IGF2R: variants seen among roughly 807,000 people sequenced by gnomAD.
IGF2R encodes insulin like growth factor 2 receptor.
A neutral mutation model predicts 270.6 loss-of-function variants in IGF2R; 91 were observed. That is an observed-to-expected ratio of 0.34 (90% CI 0.28 to 0.40). IGF2R has a LOEUF of 0.40. Ranked by LOEUF, IGF2R falls within the 10% of genes least tolerant of loss-of-function variation. IGF2R has a pLI of 1.00. For missense variants in IGF2R, 2,805 were observed against 3,188.3 expected (o/e 0.88, Z 2.90); for synonymous variants, 1,316 against 1,258.9 (o/e 1.05, Z -0.96).
intron 10 of IGF2R, among the ~76,000 whole-genome samples, chr6:160,038,475 G>T (rs1164209947): frequency 6.6e-6 from 1 of 152,184 alleles, no homozygotes; most frequent in Non-Finnish European, 1.5e-5. Context: ...GTATGTCTCA[G>T]ATGTAAAACC....
At chr6:160,022,230 C>A (rs1777454548) in intron 4 of IGF2R, among the ~76,000 whole-genome samples, 1 of 152,004 alleles carries the variant, frequency 6.6e-6, no homozygotes, top group Non-Finnish European at 1.5e-5. Context: ...AATATTGGAG[C>A]TTCAGAAAGG....
chr6:160,023,052 G>C (rs1439722561), intron 4 of IGF2R, among the ~76,000 whole-genome samples: 1 of 152,092 alleles, frequency 6.6e-6, no homozygotes, highest in Non-Finnish European at 1.5e-5. Flanking sequence ...AACAGGGAGA[G>C]GTGTGGCCTG....
intron 2 of IGF2R, among the ~76,000 whole-genome samples, chr6:159,992,267 G>GT (rs1783989984): frequency 6.6e-6 from 1 of 152,168 alleles, no homozygotes. Flanking sequence ...TTCAAGTGCA[G>GT]TTTGTTACAT....
At chr6:160,012,767 T>TA (rs1291934054) in intron 4 of IGF2R, among the ~76,000 whole-genome samples, 1 of 66,710 alleles carries the variant, frequency 1.5e-5, no homozygotes, top group Non-Finnish European at 3.6e-5. Context: ...ATATATATTT[T>TA]TTTTTTTTTT....
intron 1 of IGF2R, among the ~76,000 whole-genome samples, chr6:159,980,082 G>C (rs1783757045): frequency 6.6e-6 from 1 of 152,058 alleles, no homozygotes; most frequent in Admixed American, 6.6e-5. Flanking sequence ...TCGGGAGGCT[G>C]TGGCAGGAGA....
rs1476003235 is a variant in IGF2R, at chr6:160,027,280, C to T, written c.742C>T (p.Pro248Ser). ...RGHQAFDVGQ[P>S]RDGLKLVRKD... is the part of the protein sequence containing the mutation. Reference sequence around the variant, plus strand: ...ACACCAGGCGTTTGATGTTGGCCAGCCCCGGGACGGACTGAAGCTGGTGCG... The same window carrying T: ...ACACCAGGCGTTTGATGTTGGCCAGTCCCGGGACGGACTGAAGCTGGTGCG... Residue 248 changes from proline (P) to serine (S), a missense_variant, in exon 6 of 48, where the codon CCC (proline) becomes TCC (serine). By Grantham distance (74) the Pro-to-Ser change is moderately conservative. This residue lies in a region of IGF2R where 954 missense variants were observed against 981.1 expected (regional missense o/e 0.97). Coordinates refer to ENST00000356956, the MANE Select transcript of IGF2R (RefSeq NM_000876.4). 3.1e-6 allele frequency: 5 copies of T among 1,613,982 alleles called. No homozygotes were observed. The highest frequency in any genetic ancestry group is 4.5e-5 in the East Asian group (2 of 44,864).
intron 1 of IGF2R, among the ~76,000 whole-genome samples, chr6:159,984,460 C>T (rs972916374): frequency 6.6e-6 from 1 of 152,226 alleles, no homozygotes; most frequent in African/African-American, 2.4e-5. Flanking sequence ...TCCAGTCCTG[C>T]AGGCTCCATT....
chr6:160,070,079 C>G, intron 31 of IGF2R, 21 bp downstream of exon 31: 1 of 1,610,730 alleles, frequency 6.2e-7, no homozygotes, highest in Non-Finnish European at 8.5e-7. Context: ...GTTCCTGCAC[C>G]TTCTGCTGTT....
At position 160,073,860 on chromosome 6, in the gene IGF2R, C is replaced by T; in HGVS notation, c.5051C>T (p.Ser1684Phe). The T allele has an allele frequency of 6.2e-7, 1 of 1,614,104 alleles. No homozygotes were observed. ...EAYDESEDDA[S>F]DTNPDFYINI... ...TATGATGAGAGTGAGGATGATGCCT[C>T]CGATACCAACCCTGATTTCTACATC... The change falls in exon 35 of 48, where the codon TCC becomes TTC. Residue 1684 changes from serine (S) to phenylalanine (F), a missense_variant. Transcript: ENST00000356956.
chr6:159,970,097 G>A (rs941769222), intron 1 of IGF2R, among the ~76,000 whole-genome samples: 4 of 152,088 alleles, frequency 2.6e-5, no homozygotes, highest in Admixed American at 2.0e-4. Flanking sequence ...TGTCTCCGGG[G>A]CGGATTATTC....
In IGF2R at chr6:160,088,159, G is replaced by T. The variant is rs1779135978; in HGVS notation, c.6320+12G>T. The T allele has an allele frequency of 3.3e-6, 5 of 1,494,034 alleles. No individual in the cohort carries two copies. Among genetic ancestry groups the T allele is most frequent in the Non-Finnish European group, 4.7e-6 (5 of 1,070,914 alleles). The allele number at this position is 1,494,034 out of a possible 1,614,324, so 92.5% of individuals were successfully genotyped here. ...CCTGCATTCAAGAGGTCAGGAGACT[G>T]GGGGCTCAGAGCGGGACTGTGCAGT... On this transcript the variant is annotated intron_variant, in intron 42 of 47. Transcript: ENST00000356956.
At chr6:160,063,751 A>G in intron 27 of IGF2R, 121 bp downstream of exon 27, 2 of 714,556 alleles carry the variant, frequency 2.8e-6, no homozygotes. Flanking sequence ...TAAAAAAAAA[A>G]AAAAGCATAT....
At chr6:160,030,338 G>A (rs1361285537) in intron 7 of IGF2R, among the ~76,000 whole-genome samples, 3 of 152,194 alleles carry the variant, frequency 2.0e-5, no homozygotes, top group Non-Finnish European at 4.4e-5. Context: ...GTAATAGGGT[G>A]AAGTAGGGAG....
intron 2 of IGF2R, among the ~76,000 whole-genome samples, chr6:159,997,685 C>G (rs536492236): frequency 6.6e-6 from 1 of 152,240 alleles, no homozygotes; most frequent in Admixed American, 6.5e-5. Flanking sequence ...TCGTTTCATC[C>G]CAGGGGTTCT....
chr6:160,045,713 T>C, intron 13 of IGF2R, 32 bp from the exon 14 acceptor site: 1 of 1,613,270 alleles, frequency 6.2e-7, no homozygotes, highest in Non-Finnish European at 8.5e-7. Flanking sequence ...ATGAACGGAT[T>C]AGTGATCCCC....
intron 22 of IGF2R, among the ~76,000 whole-genome samples, chr6:160,059,687 C>T (rs1250469894): frequency 6.6e-6 from 1 of 152,224 alleles, no homozygotes; most frequent in Non-Finnish European, 1.5e-5. Context: ...ACAGTACGGC[C>T]ATGGGACGCC....
At position 160,073,218 on chromosome 6, in the gene IGF2R, T is replaced by C. The variant is rs1562368045; in HGVS notation, c.4696T>C (p.Cys1566Arg). ...GCCTTTCCCTTGTGGTGCAGGGGCC[T>C]GCTTTGGACAGACCAGGATTAGCGT... Reference protein sequence around the residue: ...NENCPPGVGACFGQTRISVGK... With the variant: ...NENCPPGVGARFGQTRISVGK... Residue 1566 changes from cysteine to arginine, a missense_variant, in exon 34 of 48, where the codon TGC becomes CGC. Physicochemically the swap from Cys to Arg is radical, Grantham distance 180. Around this residue, in one of 2 missense-constraint regions of IGF2R, gnomAD observed 1,851 missense variants for 2,207.2 expected, o/e 0.84. Coordinates refer to ENST00000356956, the MANE Select transcript of IGF2R (RefSeq NM_000876.4). The C allele has an allele frequency of 6.2e-7, 1 of 1,613,602 alleles. No individual in the cohort carries two copies.
chr6:159,988,512 CAAA>C (rs59531292), intron 1 of IGF2R, among the ~76,000 whole-genome samples: 3 of 50,474 alleles, frequency 5.9e-5, no homozygotes, highest in African/African-American at 7.9e-5. Flanking sequence ...GACTCCGTCT[CAAA>C]AAAAAAAAAA....
At chr6:160,023,208 A>G (rs955688854) in intron 4 of IGF2R, among the ~76,000 whole-genome samples, 5 of 152,058 alleles carry the variant, frequency 3.3e-5, no homozygotes, top group Middle Eastern at 3.2e-3. Flanking sequence ...GGTGGAGGTG[A>G]TAAGTAGGGA....
Sources: allele counts gnomAD v4.1 joint callset (sites outside exome capture counted in the v4.1 genomes callset), GRCh38; gene constraint gnomAD v4.1.1; regional missense constraint gnomAD v4.1.1; transcripts MANE v1.5; gene names NCBI Gene and HGNC (gene_info 2026-07-23, HGNC 2026-07-21).